CERKL: variants seen among roughly 807,000 people sequenced by gnomAD.
The protein encoded by CERKL is ceramide kinase-like protein.
CERKL carries 61 observed loss-of-function variants against 63.4 expected under a neutral mutation model. The ratio of observed to expected loss-of-function variants is 0.96; its 90% CI spans 0.78 to 1.19. CERKL has a LOEUF of 1.19. Ranked by LOEUF, CERKL falls within the 50% of genes most tolerant of loss-of-function variation. The pLI is 0.00. For missense variants in CERKL, 675 were observed against 655.5 expected, an observed-to-expected ratio of 1.03 and a Z score of -0.33; for synonymous variants, 250 against 230.5, an observed-to-expected ratio of 1.08 and a Z score of -0.77.
chr2:181,548,331 G>GA (rs57081692), intron 8 of CERKL: 2 of 583,216 alleles, frequency 3.4e-6, no homozygotes, highest in Non-Finnish European at 3.0e-6. Context: ...GGGAGAGACA[G>GA]GGGGAAGGAA....
chr2:181,586,569 T>C (rs1363362935), intron 2 of CERKL, among the ~76,000 whole-genome samples: 1 of 152,224 alleles, frequency 6.6e-6, no homozygotes, highest in Non-Finnish European at 1.5e-5. Flanking sequence ...AATATGCAAC[T>C]GACTTGGTTC....
At chr2:181,568,410 G>T (rs1688753592) in intron 3 of CERKL, among the ~76,000 whole-genome samples, 1 of 152,058 alleles carries the variant, frequency 6.6e-6, no homozygotes, top group Non-Finnish European at 1.5e-5. Context: ...CTTCTTTCTA[G>T]AGTGTCCCTT....
chr2:181,573,962 G>A lies in CERKL; in HGVS notation c.482-78C>T, dbSNP rs1229892006. On this transcript the variant is annotated intron_variant, in intron 2 of 12. Coordinates refer to ENST00000410087, the MANE Select transcript of CERKL (RefSeq NM_201548.5). The stretch of plus-strand genomic sequence containing the variant: ...TCTTTCCCTTTAAAATGACACACAA[G>A]TCTGTTAGAATGTTATATGCATTTA... The A allele has an allele frequency of 6.6e-6, 9 of 1,370,104 alleles. No homozygotes were observed. The East Asian group carries it at 2.1e-4, about 32-fold the overall frequency. 84.9% of individuals were successfully genotyped at this position (1,370,104 alleles called of 1,614,324 possible).
intron 1 of CERKL, among the ~76,000 whole-genome samples, chr2:181,623,244 GAC>G (rs1344468783): frequency 2.0e-5 from 3 of 152,100 alleles, no homozygotes; most frequent in Non-Finnish European, 4.4e-5. Flanking sequence ...AATGCTTGAA[GAC>G]ACAAGGTGAT....
At position 181,657,058 on chromosome 2, in the gene CERKL, AAG is replaced by A. The variant is rs747074072; in HGVS notation, c.-54_-53del. 1 of 1,494,670 alleles carries A rather than the reference AAG, an allele frequency of 6.7e-7. No individual in the cohort carries two copies. Among genetic ancestry groups the A allele is most frequent in the African/African-American group, 1.4e-5 (1 of 72,310 alleles). 92.6% of individuals were successfully genotyped at this position (1,494,670 alleles called of 1,614,324 possible). ...CAGGGGTCCGGGGAGGCCTTTGGAG[AAG>A]GAGGTGGAGGGCGCGGCAGCCCCAG... On this transcript the variant is annotated 5_prime_UTR_variant, in exon 1 of 13. Transcript: ENST00000410087.
intron 1 of CERKL, among the ~76,000 whole-genome samples, 162 bp from the exon 2 acceptor site, chr2:181,604,241 A>G (rs1453584529): frequency 1.3e-5 from 2 of 152,190 alleles, no homozygotes; most frequent in Non-Finnish European, 2.9e-5. Context: ...AATAATCTGT[A>G]CAACAAACCC....
At chr2:181,577,549 A>T (rs1684304945) in intron 2 of CERKL, among the ~76,000 whole-genome samples, 1 of 152,156 alleles carries the variant, frequency 6.6e-6, no homozygotes, top group African/African-American at 2.4e-5. Flanking sequence ...TTACAACAAG[A>T]ATGTGGGGGA....
intron 11 of CERKL, among the ~76,000 whole-genome samples, chr2:181,542,084 T>TG (rs1331057106): frequency 6.6e-6 from 1 of 152,122 alleles, no homozygotes; most frequent in South Asian, 2.1e-4. Flanking sequence ...AAAGAAATCC[T>TG]GGGGGAAGCA....
intron 1 of CERKL, among the ~76,000 whole-genome samples, chr2:181,618,994 C>T (rs1447730667): frequency 1.3e-5 from 2 of 152,166 alleles, no homozygotes; most frequent in African/African-American, 4.8e-5. Context: ...TGTTTTTACA[C>T]CATCTATGCA....
Position 181,542,336 on chromosome 2 carries a change from G to A in CERKL, c.1365+2364C>T, listed in dbSNP as rs75216942. ...TTCGCTTATTCAACCTGGTAAAAAT[G>A]GTTCAGAGAAGCAGATGTTACTCTC... On this transcript the variant is annotated intron_variant, in intron 11 of 12. Transcript: ENST00000410087. Among the ~76,000 whole-genome samples the A allele has an allele frequency of 3.7e-3, 568 of 152,272 alleles. 6 individuals are homozygous for A. Among genetic ancestry groups the A allele is most frequent in the African/African-American group, 0.013 (544 of 41,548 alleles).
At chr2:181,559,182 T>A (rs895698955) in intron 4 of CERKL, among the ~76,000 whole-genome samples, 6 of 152,198 alleles carry the variant, frequency 3.9e-5, no homozygotes, top group Non-Finnish European at 5.9e-5. Flanking sequence ...CTGCTAATTA[T>A]CATTACTATA....
Position 181,544,766 on chromosome 2 carries a change from AAT to A in CERKL, c.1297_1298del (p.Ile433CysfsTer29). The A allele has an allele frequency of 6.2e-7, 1 of 1,606,828 alleles. No individual in the cohort carries two copies. On this transcript the variant is annotated frameshift_variant, in exon 11 of 13. Transcript: ENST00000410087. LOFTEE classifies it high-confidence loss of function. Reference protein sequence around the residue: ...RLNNGSMALIIARNTSRPEFI... With the variant: ...RLNNGSMALIXARNTSRPEFI... ...ATTCTGGCCGAGAAGTGTTTCGGGC[AAT>A]TATAAGAGCCATACTTCCATTATTT...
rs1275000468 is a variant in CERKL, at chr2:181,564,886, TTAA to T, written c.677+1169_677+1171del. Among the ~76,000 whole-genome samples, 11 of 152,324 alleles carry T rather than the reference TTAA, an allele frequency of 7.2e-5. 1 individual carries two copies. In the South Asian group the frequency reaches 2.3e-3, roughly 32 times the overall value. On this transcript the variant is annotated intron_variant, in intron 4 of 12. Transcript: ENST00000410087. ...AAGACAATTTTCTAAATGAAGCCTATTAATGTTTTTGTCTACCTCTAAGTATAA... is the reference window on the plus strand; with the variant it reads ...AAGACAATTTTCTAAATGAAGCCTATTGTTTTTGTCTACCTCTAAGTATAA...
intron 3 of CERKL, among the ~76,000 whole-genome samples, chr2:181,570,023 T>A (rs1283680356): frequency 6.6e-6 from 1 of 152,182 alleles, no homozygotes; most frequent in Admixed American, 6.5e-5. Flanking sequence ...GAAATATGAA[T>A]ATTTTGAAAG....
At chr2:181,553,950 G>A (rs965419538) in intron 5 of CERKL, among the ~76,000 whole-genome samples, 20 of 152,012 alleles carry the variant, frequency 1.3e-4, no homozygotes, top group African/African-American at 4.3e-4. Context: ...TAACAATGGC[G>A]TAATTTTAAT....
chr2:181,599,816 G>T (rs11681584), intron 2 of CERKL, among the ~76,000 whole-genome samples: 8,807 of 152,100 alleles, frequency 0.058, 347 homozygotes, highest in Non-Finnish European at 0.084. Context: ...CCCTAATCTT[G>T]CCAGAGAGGT....
chr2:181,648,504 G>A (rs371990728), intron 1 of CERKL, among the ~76,000 whole-genome samples: 1 of 151,944 alleles, frequency 6.6e-6, no homozygotes, highest in Non-Finnish European at 1.5e-5. Flanking sequence ...AAAAGCTGAG[G>A]GAATTCACTC....
At chr2:181,542,717 T>C (rs767756086) in intron 11 of CERKL, among the ~76,000 whole-genome samples, 5 of 152,116 alleles carry the variant, frequency 3.3e-5, no homozygotes, top group African/African-American at 7.2e-5. Flanking sequence ...CACAGGCAAC[T>C]GTTTCTTGTG....
At position 181,550,678 on chromosome 2, in the gene CERKL, A is replaced by G. The variant is rs1002602910; in HGVS notation, c.821-970T>C. ...CAGAAGCATTCCTATGTGATCATACATAATTGCTTCAATTTGTGTTACTTT... is the reference window on the plus strand; with the variant it reads ...CAGAAGCATTCCTATGTGATCATACGTAATTGCTTCAATTTGTGTTACTTT... On this transcript the variant is annotated intron_variant, in intron 5 of 12. Transcript: ENST00000410087. The surrounding 1 kb of genome is among the most constrained non-coding windows in gnomAD (Gnocchi z 4.5). Among the ~76,000 whole-genome samples the G allele has an allele frequency of 7.2e-5, 11 of 152,174 alleles. No homozygotes were observed. Among genetic ancestry groups the G allele is most frequent in the African/African-American group, 2.7e-4 (11 of 41,452 alleles).
Sources: gnomAD v4.1 joint callset for allele counts (sites outside exome capture counted in the v4.1 genomes callset) on GRCh38, gnomAD v4.1.1 for gene constraint, Gnocchi (gnomAD v3.1) non-coding constraint, MANE v1.5 for transcripts, NCBI Gene and HGNC (gene_info 2026-07-23, HGNC 2026-07-21) for gene names.